Variants in PARD3 observed in about 807,000 individuals in gnomAD.
The protein encoded by PARD3 is partitioning defective 3 homolog.
PARD3 carries 75 observed loss-of-function variants against 155.4 expected under a neutral mutation model. The observed-to-expected ratio is 0.48, with a 90% confidence interval of 0.40 to 0.58. The LOEUF (loss-of-function observed/expected upper bound fraction) is 0.58, where lower values mean the gene tolerates loss of function less well. Ranked by LOEUF, PARD3 falls within the 20% of genes least tolerant of loss-of-function variation. The probability of loss-of-function intolerance (pLI) is 0.00; values close to 1 mark genes in which losing one functional copy is unlikely to be tolerated. For missense variants in PARD3, 1,642 were observed against 1,721.7 expected (o/e 0.95, Z 0.82); for synonymous variants, 576 against 610.5 (o/e 0.94, Z 0.83).
chr10:34,268,581 T>C (rs1181110100), intron 22 of PARD3, among the ~76,000 whole-genome samples: 1 of 152,150 alleles, frequency 6.6e-6, no homozygotes, highest in East Asian at 1.9e-4. Flanking sequence ...ATACATACCA[T>C]GGAATACTAT....
chr10:34,216,630 T>G (rs535393749), intron 22 of PARD3, among the ~76,000 whole-genome samples: 1 of 152,358 alleles, frequency 6.6e-6, no homozygotes, highest in African/African-American at 2.4e-5. Context: ...TTTGCAATTT[T>G]GCTGTTGGGT....
chr10:34,318,682 C>A (rs1361241038), intron 19 of PARD3, among the ~76,000 whole-genome samples: 1 of 152,192 alleles, frequency 6.6e-6, no homozygotes, highest in Non-Finnish European at 1.5e-5. Context: ...GGTGGTATAG[C>A]TACGCCCAAG....
At chr10:34,435,700 G>A (rs944638608) in intron 5 of PARD3, among the ~76,000 whole-genome samples, 1 of 152,156 alleles carries the variant, frequency 6.6e-6, no homozygotes, top group Non-Finnish European at 1.5e-5. Context: ...TTTCACATAG[G>A]TGGCTTCTAT....
At chr10:34,443,170 T>C (rs1326979839) in intron 5 of PARD3, among the ~76,000 whole-genome samples, 1 of 152,164 alleles carries the variant, frequency 6.6e-6, no homozygotes, top group African/African-American at 2.4e-5. Flanking sequence ...CGTCCACAAT[T>C]ATATTGACTA....
Position 34,254,173 on chromosome 10 carries a change from C to T in PARD3, c.3419+15484G>A, listed in dbSNP as rs186267700. 2.7e-4 allele frequency among the ~76,000 whole-genome samples: 41 copies of T among 152,118 alleles called. No homozygotes were observed. In the East Asian group the frequency reaches 4.1e-3, roughly 15 times the overall value. ...AAGGCGGGTGGATCACAAGATCAGG[C>T]GTTCGAGACCAGCCTGGCCAACATG... On this transcript the variant is annotated intron_variant, in intron 22 of 24. Transcript: ENST00000374788.
chr10:34,797,202 G>A (rs1397868213), intron 1 of PARD3, among the ~76,000 whole-genome samples: 1 of 152,214 alleles, frequency 6.6e-6, no homozygotes, highest in Non-Finnish European at 1.5e-5. Flanking sequence ...CCAGGCTGCA[G>A]TGCAGGGGCA....
At chr10:34,226,656 C>T (rs548705635) in intron 22 of PARD3, among the ~76,000 whole-genome samples, 1 of 152,294 alleles carries the variant, frequency 6.6e-6, no homozygotes, top group South Asian at 2.1e-4. Context: ...CTTTGAAAAC[C>T]AGTGTGGCAA....
At chr10:34,186,217 G>A (rs541214635) in intron 22 of PARD3, among the ~76,000 whole-genome samples, 30 of 152,184 alleles carry the variant, frequency 2.0e-4, no homozygotes, top group African/African-American at 6.7e-4. Context: ...CCCTAAAGCC[G>A]GACGGGGTAG....
At chr10:34,383,016 A>C in intron 8 of PARD3, 94 bp from the exon 9 acceptor site, 1 of 1,361,716 alleles carries the variant, frequency 7.3e-7, no homozygotes, top group Non-Finnish European at 1.0e-6. Context: ...AAGCAATAAG[A>C]ACTGACAGGC....
intron 22 of PARD3, among the ~76,000 whole-genome samples, chr10:34,196,069 C>T (rs1950918528): frequency 6.6e-6 from 1 of 152,130 alleles, no homozygotes; most frequent in African/African-American, 2.4e-5. Context: ...TTTCTTAGCC[C>T]AATTATTCAT....
chr10:34,382,778 CT>C lies in PARD3; in HGVS notation c.1160del (p.Gln387ArgfsTer8). 6.2e-7 allele frequency: 1 copy of C among 1,614,190 alleles called. No homozygotes were observed. The highest frequency in any genetic ancestry group is 1.7e-5 in the Admixed American group (1 of 60,022). ...YYSSRFSPDSQYIDNRSVNSA... is the reference protein window; with the variant it reads ...YYSSRFSPDSXYIDNRSVNSA... Reference sequence around the variant, plus strand: ...TGTTCACACTCCTGTTGTCAATATACTGGCTGTCAGGGCTAAAACGGCTTGA... The same window carrying C: ...TGTTCACACTCCTGTTGTCAATATACGGCTGTCAGGGCTAAAACGGCTTGA... On this transcript the variant is annotated frameshift_variant, in exon 9 of 25. Coordinates refer to ENST00000374788, the MANE Select transcript of PARD3 (RefSeq NM_001184785.2). LOFTEE classifies it high-confidence loss of function.
Position 34,167,892 on chromosome 10 carries a change from T to C in PARD3, c.3420-36309A>G, listed in dbSNP as rs190346274. Among the ~76,000 whole-genome samples the C allele has an allele frequency of 9.5e-4, 145 of 152,262 alleles. 1 individual carries two copies. The highest frequency in any genetic ancestry group is 1.0e-3 in the Non-Finnish European group (68 of 68,004). On this transcript the variant is annotated intron_variant, in intron 22 of 24. Transcript: ENST00000374788. ...TACAATAATTAACTCTTGATACTAATTGAAATATCCACTGACCCTATGTCC... is the reference window on the plus strand; with the variant it reads ...TACAATAATTAACTCTTGATACTAACTGAAATATCCACTGACCCTATGTCC...
At chr10:34,127,378 G>C (rs1947343793) in intron 23 of PARD3, among the ~76,000 whole-genome samples, 1 of 152,068 alleles carries the variant, frequency 6.6e-6, no homozygotes, top group African/African-American at 2.4e-5. Flanking sequence ...AGCCTTTTCT[G>C]ACCACCGCAC....
At chr10:34,163,755 T>A (rs1949392243) in intron 22 of PARD3, among the ~76,000 whole-genome samples, 1 of 152,236 alleles carries the variant, frequency 6.6e-6, no homozygotes, top group Admixed American at 6.5e-5. Flanking sequence ...AGATGTGATC[T>A]GCTCACGCAC....
chr10:34,769,804 CA>C (rs58592886), intron 1 of PARD3, among the ~76,000 whole-genome samples: 5 of 142,420 alleles, frequency 3.5e-5, no homozygotes, highest in African/African-American at 1.3e-4. Context: ...AAAAACAAAA[CA>C]AAAAAAAAAA....
chr10:34,724,661 C>CA lies in PARD3; in HGVS notation c.121-28243dup, dbSNP rs2094668375. 2.0e-5 allele frequency among the ~76,000 whole-genome samples: 3 copies of CA among 152,248 alleles called. No individual in the cohort carries two copies. In the South Asian group the frequency reaches 6.2e-4, roughly 32 times the overall value. On this transcript the variant is annotated intron_variant, in intron 1 of 24. Coordinates refer to ENST00000374788, the MANE Select transcript of PARD3 (RefSeq NM_001184785.2). ...AACCCAGTAACTAGAAAACTGACCA[C>CA]AAAATATTTTTGTTTTTACTGTTAT...
At chr10:34,230,839 G>A (rs963145340) in intron 22 of PARD3, among the ~76,000 whole-genome samples, 1 of 152,046 alleles carries the variant, frequency 6.6e-6, no homozygotes, top group African/African-American at 2.4e-5. Flanking sequence ...AGCAGCCTGG[G>A]CAACACAATG....
intron 1 of PARD3, among the ~76,000 whole-genome samples, chr10:34,749,134 A>G (rs1230699420): frequency 3.3e-5 from 5 of 152,120 alleles, no homozygotes; most frequent in Non-Finnish European, 5.9e-5. Context: ...TTTTGCTTTT[A>G]TTTTCCCTTT....
intron 2 of PARD3, among the ~76,000 whole-genome samples, chr10:34,669,557 C>T (rs745515798): frequency 1.6e-4 from 25 of 152,016 alleles, no homozygotes; most frequent in African/African-American, 3.6e-4. Flanking sequence ...ATCCATGTAA[C>T]GAAACTGCAC....
Sources: gnomAD v4.1 joint callset for allele counts (sites outside exome capture counted in the v4.1 genomes callset) on GRCh38, gnomAD v4.1.1 for gene constraint, MANE v1.5 for transcripts, NCBI Gene and HGNC (gene_info 2026-07-23, HGNC 2026-07-21) for gene names.